Variants in MAGED1 observed in about 807,000 individuals in gnomAD.
MAGED1 encodes MAGE family member D1.
Under a neutral mutation model 54.1 loss-of-function variants are expected in MAGED1, and 3 were observed. That is an observed-to-expected ratio of 0.06 (90% CI 0.03 to 0.14). MAGED1 has a LOEUF of 0.14. MAGED1 is among the 10% of genes least tolerant of loss of function. The pLI is 1.00. For synonymous variants in MAGED1, 217 were observed against 227.3 expected (o/e 0.95, Z 0.41); for missense variants, 485 against 623.4 (o/e 0.78, Z 2.36).
intron 1 of MAGED1, among the ~76,000 whole-genome samples, chrX:51,840,951 G>A (rs1385216133): frequency 9.0e-6 from 1 of 110,858 alleles, no homozygotes; most frequent in African/African-American, 3.3e-5. Flanking sequence ...TATATACCCA[G>A]TAATGGGATG....
chrX:51,887,895 A>T (rs1336491528), intron 1 of MAGED1, among the ~76,000 whole-genome samples: 7 of 111,123 alleles, frequency 6.3e-5, no homozygotes, highest in Admixed American at 3.8e-4. Context: ...CCCCTGCAAA[A>T]GTCTCTGCAA....
chrX:51,808,613 G>T (rs781940503), intron 1 of MAGED1, among the ~76,000 whole-genome samples: 41 of 111,765 alleles, frequency 3.7e-4, no homozygotes, highest in African/African-American at 1.2e-3. Flanking sequence ...GGAGGCTGAG[G>T]GGGGAGGATC....
chrX:51,881,517 G>A (rs1928056559), intron 1 of MAGED1, among the ~76,000 whole-genome samples: 1 of 109,705 alleles, frequency 9.1e-6, no homozygotes, highest in South Asian at 4.0e-4. Context: ...CTGGGTAGAA[G>A]CGATATTCCT....
intron 1 of MAGED1, among the ~76,000 whole-genome samples, chrX:51,879,928 G>A (rs782777565): frequency 2.6e-4 from 29 of 112,372 alleles, no homozygotes; most frequent in Admixed American, 2.3e-3. Flanking sequence ...GGAACCATAA[G>A]CCCCATATTT....
chrX:51,864,102 C>T (rs1040976597), intron 1 of MAGED1, among the ~76,000 whole-genome samples: 4 of 110,137 alleles, frequency 3.6e-5, no homozygotes, highest in African/African-American at 1.3e-4. Flanking sequence ...ATGTTTTCTT[C>T]TAGAAGTTGT....
intron 1 of MAGED1, among the ~76,000 whole-genome samples, chrX:51,808,503 G>A (rs1484020372): frequency 8.9e-6 from 1 of 111,922 alleles, no homozygotes; most frequent in Admixed American, 9.4e-5. Context: ...GAGCCCAGGA[G>A]TTTTAGACCA....
chrX:51,840,660 C>T (rs1165085096), intron 1 of MAGED1, among the ~76,000 whole-genome samples: 1 of 108,237 alleles, frequency 9.2e-6, no homozygotes, highest in East Asian at 2.9e-4. Flanking sequence ...GTTCAATTCC[C>T]ACCTATGAGT....
intron 1 of MAGED1, among the ~76,000 whole-genome samples, chrX:51,805,087 G>A (rs1174089206): frequency 9.0e-6 from 1 of 111,475 alleles, no homozygotes; most frequent in Non-Finnish European, 1.9e-5. Context: ...GCCTCTTTAG[G>A]AAGACATATC....
chrX:51,879,743 G>GA (rs1557362331), intron 1 of MAGED1, among the ~76,000 whole-genome samples: 2 of 111,870 alleles, frequency 1.8e-5, no homozygotes, highest in African/African-American at 6.5e-5. Context: ...ATTTTAGGGT[G>GA]ATGATTTGCC....
intron 1 of MAGED1, among the ~76,000 whole-genome samples, chrX:51,826,380 G>A (rs986746382): frequency 1.2e-3 from 136 of 111,585 alleles, no homozygotes; most frequent in Middle Eastern, 9.2e-3. Flanking sequence ...ATTTAGATTC[G>A]TGATCCATTT....
intron 1 of MAGED1, among the ~76,000 whole-genome samples, chrX:51,883,974 AAAAAC>A: frequency 8.9e-6 from 1 of 111,963 alleles, no homozygotes; most frequent in South Asian, 3.7e-4. Context: ...AAATATACTG[AAAAAC>A]AAAACAACAA....
chrX:51,868,285 G>A (rs947382243), intron 1 of MAGED1, among the ~76,000 whole-genome samples: 1 of 111,659 alleles, frequency 9.0e-6, no homozygotes, highest in African/African-American at 3.3e-5. Flanking sequence ...GTGTTTGTGT[G>A]TGTGTGTGTA....
intron 1 of MAGED1, among the ~76,000 whole-genome samples, chrX:51,818,921 A>G (rs1367997912): frequency 1.8e-5 from 2 of 112,309 alleles, no homozygotes; most frequent in African/African-American, 6.5e-5. Context: ...GGCATCATTG[A>G]TAGTGATGAA....
chrX:51,839,194 A>G (rs903685678), intron 1 of MAGED1, among the ~76,000 whole-genome samples: 2 of 111,883 alleles, frequency 1.8e-5, no homozygotes, highest in African/African-American at 6.5e-5. Context: ...CTACTATTCG[A>G]ACATTTATCC....
chrX:51,823,366 T>C (rs782538537), intron 1 of MAGED1, among the ~76,000 whole-genome samples: 5 of 112,130 alleles, frequency 4.5e-5, no homozygotes, highest in Admixed American at 2.8e-4. Flanking sequence ...AGCTTAAAGA[T>C]TGCAAAATGT....
intron 1 of MAGED1, among the ~76,000 whole-genome samples, chrX:51,839,184 C>G (rs1417103366): frequency 1.8e-5 from 2 of 111,982 alleles, no homozygotes; most frequent in East Asian, 5.6e-4. Context: ...GTCAGATTCA[C>G]TACTATTCGA....
At chrX:51,900,013 AGGAATTTAAGG>A (rs1928937332) in intron 10 of MAGED1, 158 bp from the exon 11 acceptor site, 35 of 426,243 alleles carry the variant, frequency 8.2e-5, no homozygotes, top group Non-Finnish European at 1.4e-4. Context: ...GTTCTAGTGC[AGGAATTTAAGG>A]CTTGATGATT....
At chrX:51,826,907 G>C (rs1466024140) in intron 1 of MAGED1, among the ~76,000 whole-genome samples, 3 of 112,466 alleles carry the variant, frequency 2.7e-5, no homozygotes, top group Non-Finnish European at 5.6e-5. Context: ...GAAAACTTAT[G>C]TCTACACAAA....
intron 1 of MAGED1, among the ~76,000 whole-genome samples, chrX:51,877,983 G>T (rs1413570528): frequency 9.0e-6 from 1 of 111,412 alleles, no homozygotes; most frequent in East Asian, 2.8e-4. Context: ...GGTTTATGAG[G>T]TTTATATTGA....
Sources: allele counts gnomAD v4.1 joint callset (sites outside exome capture counted in the v4.1 genomes callset), GRCh38; gene constraint gnomAD v4.1.1; transcripts MANE v1.5; gene names NCBI Gene and HGNC (gene_info 2026-07-23, HGNC 2026-07-21).